Variants in CACNA2D3 observed in about 807,000 individuals in gnomAD.
The protein encoded by CACNA2D3 is voltage-dependent calcium channel subunit alpha-2/delta-3.
Under a neutral mutation model 160.6 loss-of-function variants are expected in CACNA2D3, and 60 were observed. The observed-to-expected ratio is 0.37, with a 90% CI of 0.30 to 0.46. The LOEUF (loss-of-function observed/expected upper bound fraction) is 0.46, where lower values mean the gene tolerates loss of function less well. Ranked by LOEUF, CACNA2D3 falls within the 20% of genes least tolerant of loss-of-function variation. The pLI is 1.00. For missense variants in CACNA2D3, 1,205 were observed against 1,365.0 expected, an observed-to-expected ratio of 0.88 and a Z score of 1.85; for synonymous variants, 558 against 492.9, an observed-to-expected ratio of 1.13 and a Z score of -1.75.
chr3:54,590,487 G>A (rs1702837407), intron 9 of CACNA2D3, among the ~76,000 whole-genome samples: 1 of 152,096 alleles, frequency 6.6e-6, no homozygotes, highest in Admixed American at 6.6e-5. Context: ...TTGTGGTGGT[G>A]GAACTGTTCT....
At chr3:54,772,909 C>T (rs905522805) in intron 13 of CACNA2D3, among the ~76,000 whole-genome samples, 1 of 152,242 alleles carries the variant, frequency 6.6e-6, no homozygotes, top group Non-Finnish European at 1.5e-5. Context: ...GAAGCATCAG[C>T]ATTCCTGATC....
chr3:54,482,096 G>T (rs1217071591), intron 4 of CACNA2D3, among the ~76,000 whole-genome samples: 1 of 152,128 alleles, frequency 6.6e-6, no homozygotes, highest in Non-Finnish European at 1.5e-5. Context: ...GCTATATTTG[G>T]TAACTCTCTA....
At chr3:54,681,382 CAAAAA>C (rs565556596) in intron 11 of CACNA2D3, among the ~76,000 whole-genome samples, 19 of 62,096 alleles carry the variant, frequency 3.1e-4, no homozygotes, top group African/African-American at 1.4e-3. Flanking sequence ...ACTAAAAATA[CAAAAA>C]AAAAAAAAAA....
chr3:54,640,298 A>G (rs1018111397), intron 10 of CACNA2D3, among the ~76,000 whole-genome samples: 8 of 152,218 alleles, frequency 5.3e-5, no homozygotes, highest in Admixed American at 6.5e-5. Context: ...ATTTTAGAAC[A>G]AATGAATACA....
rs574008673 is a variant in CACNA2D3 at position 54,731,897 on chromosome 3, G to A, written c.1168-20702G>A. 6.6e-5 allele frequency among the ~76,000 whole-genome samples: 10 copies of A among 152,192 alleles called. No individual in the cohort carries two copies. In the East Asian group the frequency reaches 1.9e-3, roughly 29 times the overall value. On this transcript the variant is annotated intron_variant, in intron 11 of 37. Transcript: ENST00000474759. ...AATGGCGTGGATCAAAAGCATCACCGTGTAATTGAAACTGACTTTGTATTG... is the reference window on the plus strand; with the variant it reads ...AATGGCGTGGATCAAAAGCATCACCATGTAATTGAAACTGACTTTGTATTG...
At chr3:54,886,164 C>CACAGTATAGCTTCAGTAGCT (rs11276422) in intron 23 of CACNA2D3, among the ~76,000 whole-genome samples, 1 of 151,816 alleles carries the variant, frequency 6.6e-6, no homozygotes, top group Admixed American at 6.6e-5. Context: ...CCTATACTCT[C>CACAGTATAGCTTCAGTAGCT]ACAGTTTGGG....
Position 55,014,373 on chromosome 3 carries a change from C to T in CACNA2D3, c.2876-3833C>T, listed in dbSNP as rs536784931. On this transcript the variant is annotated intron_variant, in intron 34 of 37. Coordinates refer to ENST00000474759, the MANE Select transcript of CACNA2D3 (RefSeq NM_018398.3). ...AAGAAGGAATCAGCCAAACTGAGCT[C>T]AGTGATCCTTGAATACCTACAGCTT... Among the ~76,000 whole-genome samples, 8 of 152,302 alleles carry T rather than the reference C, an allele frequency of 5.3e-5. 1 individual carries two copies. In the South Asian group the frequency reaches 1.5e-3, roughly 28 times the overall value.
Position 54,931,479 on chromosome 3 carries a change from G to A in CACNA2D3, c.2449+31611G>A, listed in dbSNP as rs144305946. 3.2e-4 allele frequency among the ~76,000 whole-genome samples: 49 copies of A among 152,262 alleles called. No homozygotes were observed. The East Asian group carries it at 9.3e-3, about 29-fold the overall frequency. The stretch of plus-strand genomic sequence containing the variant: ...TTCTCCCTCCCTCCCGTGGTGAGCA[G>A]ATCCAAGAGGTGGCAAGACAGCCAT... On this transcript the variant is annotated intron_variant, in intron 27 of 37. Coordinates refer to ENST00000474759, the MANE Select transcript of CACNA2D3 (RefSeq NM_018398.3).
At chr3:54,719,552 T>C (rs1701130753) in intron 11 of CACNA2D3, among the ~76,000 whole-genome samples, 2 of 151,946 alleles carry the variant, frequency 1.3e-5, no homozygotes, top group Non-Finnish European at 2.9e-5. Context: ...GCGTTTGACT[T>C]TGTGCAATTT....
At chr3:55,055,457 G>T (rs1255762979) in intron 35 of CACNA2D3, among the ~76,000 whole-genome samples, 1 of 152,024 alleles carries the variant, frequency 6.6e-6, no homozygotes, top group Non-Finnish European at 1.5e-5. Flanking sequence ...TAGCTTTGTT[G>T]TATAGTTTGA....
intron 4 of CACNA2D3, among the ~76,000 whole-genome samples, chr3:54,493,835 A>T (rs78645083): frequency 6.6e-6 from 1 of 152,194 alleles, no homozygotes; most frequent in Non-Finnish European, 1.5e-5. Flanking sequence ...TGTATTATCT[A>T]TGGCAGCTGT....
chr3:54,739,749 ATATGTGTG>A (rs997300622), intron 11 of CACNA2D3, among the ~76,000 whole-genome samples: 7 of 80,726 alleles, frequency 8.7e-5, no homozygotes, highest in Admixed American at 3.1e-4. Flanking sequence ...TTCTCCTCAT[ATATGTGTG>A]TGTGTGTGTG....
At chr3:54,292,989 A>T (rs1037255475) in intron 2 of CACNA2D3, among the ~76,000 whole-genome samples, 6 of 152,230 alleles carry the variant, frequency 3.9e-5, no homozygotes, top group Non-Finnish European at 8.8e-5. Context: ...GGAATTTTCA[A>T]CCATAAAAAG....
rs9828425 is a variant in CACNA2D3, at chr3:54,160,865, A to G, written c.204+37271A>G. 2.0e-3 allele frequency among the ~76,000 whole-genome samples: 299 copies of G among 152,314 alleles called. 1 individual carries two copies. The highest frequency in any genetic ancestry group is 6.7e-3 in the African/African-American group (280 of 41,562). On this transcript the variant is annotated intron_variant, in intron 2 of 37. Coordinates refer to ENST00000474759, the MANE Select transcript of CACNA2D3 (RefSeq NM_018398.3). ...TATGTTATTTTTCATTGAGATCAGT[A>G]TTTTTATGTCAAAGGAGTAAGAAAT...
At chr3:54,404,996 G>A (rs28853112) in intron 4 of CACNA2D3, among the ~76,000 whole-genome samples, 3,383 of 138,150 alleles carry the variant, frequency 0.024, 59 homozygotes, top group South Asian at 0.059. Context: ...ATAAAACATT[G>A]ATGAAAGAAA....
chr3:54,898,098 C>CT, intron 26 of CACNA2D3, among the ~76,000 whole-genome samples: 1 of 151,574 alleles, frequency 6.6e-6, no homozygotes, highest in East Asian at 2.0e-4. Context: ...TTCTTCCTTC[C>CT]TTCCTTTCTT....
At chr3:54,369,911 A>C (rs1329790139) in intron 3 of CACNA2D3, among the ~76,000 whole-genome samples, 3 of 152,234 alleles carry the variant, frequency 2.0e-5, no homozygotes, top group Admixed American at 6.5e-5. Context: ...GACTGCGATA[A>C]GTAATTTGTA....
At chr3:54,386,915 C>A in intron 4 of CACNA2D3, 141 bp downstream of exon 4, 1 of 749,962 alleles carries the variant, frequency 1.3e-6, no homozygotes, top group Non-Finnish European at 2.1e-6. Flanking sequence ...GAATCTTTGA[C>A]AGGATTCTTA....
intron 4 of CACNA2D3, among the ~76,000 whole-genome samples, chr3:54,415,645 G>C (rs1411581899): frequency 6.6e-6 from 1 of 152,096 alleles, no homozygotes; most frequent in Non-Finnish European, 1.5e-5. Context: ...TTAAGTACAG[G>C]CAGTGGCATA....
Sources: allele counts gnomAD v4.1 joint callset (sites outside exome capture counted in the v4.1 genomes callset), GRCh38; gene constraint gnomAD v4.1.1; transcripts MANE v1.5; gene names NCBI Gene and HGNC (gene_info 2026-07-23, HGNC 2026-07-21).